The following FYB2 variants were observed in gnomAD, a reference collection of about 807,000 sequenced individuals.
The protein encoded by FYB2 is FYN-binding protein 2.
A neutral mutation model predicts 94.1 loss-of-function variants in FYB2; 103 were observed. The ratio of observed to expected loss-of-function variants is 1.09; its 90% CI spans 0.93 to 1.29. FYB2 has a LOEUF of 1.29. Among genes scored for constraint, FYB2 ranks in the 50% most tolerant of loss-of-function variants. FYB2 has a pLI of 0.00. For missense variants in FYB2, 896 were observed against 841.5 expected, an observed-to-expected ratio of 1.06 and a Z score of -0.80; for synonymous variants, 293 against 287.9, an observed-to-expected ratio of 1.02 and a Z score of -0.18.
chr1:56,765,757 T>G (rs957042058), intron 5 of FYB2, among the ~76,000 whole-genome samples: 1 of 152,320 alleles, frequency 6.6e-6, no homozygotes, highest in South Asian at 2.1e-4. Flanking sequence ...TTATCCTTCC[T>G]TGGGGCCTGA....
chr1:56,783,675 GAAAT>G (rs1487028387), intron 4 of FYB2, among the ~76,000 whole-genome samples: 1 of 152,034 alleles, frequency 6.6e-6, no homozygotes, highest in Admixed American at 6.6e-5. Flanking sequence ...GAAGGACTTT[GAAAT>G]AAATAAATAA....
intron 1 of FYB2, among the ~76,000 whole-genome samples, chr1:56,812,944 T>C (rs1339607150): frequency 6.6e-6 from 1 of 152,230 alleles, no homozygotes; most frequent in African/African-American, 2.4e-5. Flanking sequence ...GAGAAATGTA[T>C]TGCCTTACAG....
At chr1:56,802,427 G>A (rs1446688361) in intron 1 of FYB2, among the ~76,000 whole-genome samples, 2 of 152,162 alleles carry the variant, frequency 1.3e-5, no homozygotes, top group Non-Finnish European at 2.9e-5. Flanking sequence ...TGAAGAATTA[G>A]TTTAGCTTGG....
intron 15 of FYB2, among the ~76,000 whole-genome samples, chr1:56,735,443 A>G (rs920450572): frequency 2.0e-5 from 3 of 152,150 alleles, no homozygotes; most frequent in African/African-American, 7.2e-5. Flanking sequence ...AGAACAGAGG[A>G]TGCTAAAGGC....
intron 4 of FYB2, among the ~76,000 whole-genome samples, chr1:56,783,366 C>T (rs1646052709): frequency 6.6e-6 from 1 of 152,110 alleles, no homozygotes; most frequent in Admixed American, 6.6e-5. Context: ...AATGTCACCT[C>T]TCATGTTTTA....
At chr1:56,781,812 A>T (rs915796742) in intron 4 of FYB2, among the ~76,000 whole-genome samples, 3 of 152,126 alleles carry the variant, frequency 2.0e-5, no homozygotes, top group Non-Finnish European at 4.4e-5. Context: ...AGCTCACTGC[A>T]CTTTAGCCAA....
intron 9 of FYB2, 29 bp downstream of exon 9, chr1:56,751,015 G>A (rs1158486241): frequency 2.5e-6 from 4 of 1,600,174 alleles, no homozygotes; most frequent in African/African-American, 2.7e-5. Flanking sequence ...TTGTAATGAT[G>A]AAGAAGATCA....
intron 15 of FYB2, among the ~76,000 whole-genome samples, chr1:56,733,631 T>C (rs1644763425): frequency 6.6e-6 from 1 of 152,214 alleles, no homozygotes; most frequent in East Asian, 1.9e-4. Flanking sequence ...TGGTACGTTG[T>C]GTCTTTGTTC....
chr1:56,741,294 A>T (rs762149037), intron 12 of FYB2, among the ~76,000 whole-genome samples: 9 of 152,216 alleles, frequency 5.9e-5, no homozygotes, highest in Non-Finnish European at 1.2e-4. Flanking sequence ...ACTGCAAGTA[A>T]TCTCTATTTT....
upstream of FYB2, among the ~76,000 whole-genome samples, chr1:56,821,184 T>C (rs140843623): frequency 6.6e-6 from 1 of 152,328 alleles, no homozygotes; most frequent in Non-Finnish European, 1.5e-5. Flanking sequence ...ATAATTGGGC[T>C]GTCAAATTCC....
At chr1:56,780,835 T>C (rs1208882153) in intron 4 of FYB2, among the ~76,000 whole-genome samples, 1 of 152,070 alleles carries the variant, frequency 6.6e-6, no homozygotes, top group Non-Finnish European at 1.5e-5. Context: ...TGAAGTCCAA[T>C]TAAAAAGGGA....
chr1:56,766,744 C>T (rs1476207650), intron 5 of FYB2, among the ~76,000 whole-genome samples: 5 of 152,132 alleles, frequency 3.3e-5, no homozygotes, highest in African/African-American at 1.2e-4. Context: ...GTCCCAACTC[C>T]TTATTTCTTG....
chr1:56,797,854 C>T (rs1269476483), intron 1 of FYB2, among the ~76,000 whole-genome samples: 2 of 152,120 alleles, frequency 1.3e-5, no homozygotes, highest in Non-Finnish European at 2.9e-5. Context: ...TTCTTTATAG[C>T]ACCTATCAAA....
intron 6 of FYB2, among the ~76,000 whole-genome samples, chr1:56,757,872 C>A (rs61765489): frequency 6.7e-6 from 1 of 149,860 alleles, no homozygotes; most frequent in Non-Finnish European, 1.5e-5. Flanking sequence ...TGGGCTTAAA[C>A]GGTCCTCCTG....
At chr1:56,779,352 T>G (rs1189905325) in intron 4 of FYB2, among the ~76,000 whole-genome samples, 1 of 152,140 alleles carries the variant, frequency 6.6e-6, no homozygotes, top group Non-Finnish European at 1.5e-5. Flanking sequence ...GCCTCTCATG[T>G]GGGCTAATAA....
chr1:56,754,931 T>A (rs539600761), intron 7 of FYB2, among the ~76,000 whole-genome samples: 1 of 152,106 alleles, frequency 6.6e-6, no homozygotes, highest in South Asian at 2.1e-4. Context: ...AGTCATAAAT[T>A]TAGGGACAGG....
At chr1:56,797,052 T>C (rs1048364787) in intron 1 of FYB2, among the ~76,000 whole-genome samples, 4 of 151,928 alleles carry the variant, frequency 2.6e-5, no homozygotes, top group Admixed American at 6.6e-5. Context: ...GGAGGGAACA[T>C]AGAAAAGGGG....
chr1:56,786,155 C>T (rs927536737), intron 4 of FYB2, among the ~76,000 whole-genome samples: 4 of 152,180 alleles, frequency 2.6e-5, no homozygotes, highest in African/African-American at 4.8e-5. Context: ...ACATGTGAGC[C>T]ACCCCAGCCA....
At chr1:56,816,717 A>G (rs1388426213) in intron 1 of FYB2, among the ~76,000 whole-genome samples, 4 of 151,996 alleles carry the variant, frequency 2.6e-5, no homozygotes, top group African/African-American at 9.7e-5. Flanking sequence ...CTCTAAACCC[A>G]CCTATGTAGA....
Sources: gnomAD v4.1 joint callset for allele counts (sites outside exome capture counted in the v4.1 genomes callset) on GRCh38, gnomAD v4.1.1 for gene constraint, MANE v1.5 for transcripts, NCBI Gene and HGNC (gene_info 2026-07-23, HGNC 2026-07-21) for gene names.